PCSK2: variants seen among roughly 807,000 people sequenced by gnomAD.
PCSK2 encodes proprotein convertase subtilisin/kexin type 2.
A neutral mutation model predicts 69.7 loss-of-function variants in PCSK2; 14 were observed. The ratio of observed to expected loss-of-function variants is 0.20; its 90% confidence interval spans 0.13 to 0.31. PCSK2 has a LOEUF of 0.31. Ranked by LOEUF, PCSK2 falls within the 10% of genes least tolerant of loss-of-function variation. The pLI, the probability that PCSK2 is intolerant of heterozygous loss-of-function variation, is 1.00. For synonymous variants in PCSK2, 307 were observed against 320.7 expected (o/e 0.96, Z 0.46); for missense variants, 544 against 842.5 (o/e 0.65, Z 4.39).
At chr20:17,314,699 C>T (rs558795568) in intron 2 of PCSK2, among the ~76,000 whole-genome samples, 8 of 152,302 alleles carry the variant, frequency 5.3e-5, no homozygotes, top group African/African-American at 1.4e-4. Context: ...AATTACATCT[C>T]TAGTAGGGAA....
intron 6 of PCSK2, among the ~76,000 whole-genome samples, chr20:17,410,565 G>A (rs2031847989): frequency 6.6e-6 from 1 of 152,194 alleles, no homozygotes; most frequent in African/African-American, 2.4e-5. Flanking sequence ...ATGTCGGATA[G>A]CACAATTCAT....
chr20:17,253,204 T>C (rs1241809447), intron 1 of PCSK2, among the ~76,000 whole-genome samples: 2 of 152,204 alleles, frequency 1.3e-5, no homozygotes, highest in Non-Finnish European at 2.9e-5. Flanking sequence ...AGCAAATTGA[T>C]TAAGATATAG....
At chr20:17,270,168 G>C (rs1568577804) in intron 2 of PCSK2, among the ~76,000 whole-genome samples, 1 of 152,068 alleles carries the variant, frequency 6.6e-6, no homozygotes, top group Non-Finnish European at 1.5e-5. Flanking sequence ...TGAGGCAAAA[G>C]TGGTTTGAAG....
chr20:17,266,260 C>T (rs1159423196), intron 2 of PCSK2, among the ~76,000 whole-genome samples: 4 of 152,172 alleles, frequency 2.6e-5, no homozygotes, highest in Non-Finnish European at 5.9e-5. Context: ...CAGTTGGCCT[C>T]GGTTCCCTGG....
At chr20:17,255,658 A>G (rs1987150536) in intron 1 of PCSK2, among the ~76,000 whole-genome samples, 1 of 152,160 alleles carries the variant, frequency 6.6e-6, no homozygotes, top group Admixed American at 6.6e-5. Context: ...CTAATTTTTT[A>G]AAACGTATTT....
chr20:17,477,140 G>A lies in PCSK2; in HGVS notation c.1431-4444G>A, dbSNP rs1207877733. Among the ~76,000 whole-genome samples the A allele has an allele frequency of 3.3e-5, 5 of 152,338 alleles. No individual in the cohort carries two copies. The East Asian group carries it at 5.8e-4, about 18-fold the overall frequency. On this transcript the variant is annotated intron_variant, in intron 11 of 11. Coordinates refer to ENST00000262545, the MANE Select transcript of PCSK2 (RefSeq NM_002594.5). ...TCATGGCCTTGGTTCCTAGGGCAAT[G>A]CAGAACCAAGGCTTGACTCCAACTG...
chr20:17,261,358 C>A (rs1419660965), intron 2 of PCSK2, among the ~76,000 whole-genome samples: 1 of 152,176 alleles, frequency 6.6e-6, no homozygotes. Context: ...TCTTGTGGGG[C>A]TTTTCATGTG....
At chr20:17,454,921 CA>C (rs1249921729) in intron 9 of PCSK2, among the ~76,000 whole-genome samples, 4 of 152,200 alleles carry the variant, frequency 2.6e-5, no homozygotes, top group Non-Finnish European at 5.9e-5. Flanking sequence ...GGAAGGGACG[CA>C]GACCTTAAAA....
At chr20:17,423,493 A>G (rs569019136) in intron 6 of PCSK2, among the ~76,000 whole-genome samples, 4 of 152,312 alleles carry the variant, frequency 2.6e-5, no homozygotes, top group African/African-American at 9.6e-5. Context: ...CTAGACTCTC[A>G]GCTAATCTCT....
intron 5 of PCSK2, among the ~76,000 whole-genome samples, chr20:17,375,471 C>T (rs537357232): frequency 3.0e-4 from 45 of 152,240 alleles, no homozygotes; most frequent in Non-Finnish European, 5.7e-4. Context: ...CCCGAGGAAG[C>T]GGCATTTCTG....
intron 2 of PCSK2, among the ~76,000 whole-genome samples, chr20:17,298,344 T>C (rs745662302): frequency 6.6e-6 from 1 of 152,146 alleles, no homozygotes; most frequent in African/African-American, 2.4e-5. Context: ...CACATAGAAA[T>C]GGGGTGATTT....
chr20:17,426,734 G>C (rs1368269844), intron 6 of PCSK2, among the ~76,000 whole-genome samples: 2 of 152,196 alleles, frequency 1.3e-5, no homozygotes, highest in African/African-American at 4.8e-5. Context: ...CAGTCTTCCA[G>C]AGAATTCTCT....
At chr20:17,239,947 G>C (rs192325025) in intron 1 of PCSK2, among the ~76,000 whole-genome samples, 1 of 131,138 alleles carries the variant, frequency 7.6e-6, no homozygotes, top group South Asian at 2.5e-4. Flanking sequence ...TCCGCCTCCC[G>C]GGTTCAAGTG....
chr20:17,457,842 C>A (rs2032949180), intron 10 of PCSK2, among the ~76,000 whole-genome samples: 2 of 152,202 alleles, frequency 1.3e-5, no homozygotes, highest in South Asian at 4.1e-4. Flanking sequence ...GCCCTTTCAA[C>A]CTCAGAAGTC....
intron 1 of PCSK2, among the ~76,000 whole-genome samples, chr20:17,242,842 A>C (rs146282907): frequency 5.1e-4 from 77 of 152,338 alleles, no homozygotes; most frequent in African/African-American, 1.7e-3. Flanking sequence ...CTCTCTAGTG[A>C]AATCATATTT....
intron 8 of PCSK2, among the ~76,000 whole-genome samples, chr20:17,449,647 C>T (rs2032780543): frequency 1.3e-5 from 2 of 150,978 alleles, no homozygotes; most frequent in African/African-American, 2.5e-5. Context: ...TCTGACTCAG[C>T]CTCCCGAGTA....
intron 1 of PCSK2, among the ~76,000 whole-genome samples, chr20:17,234,020 T>A (rs1167358653): frequency 1.3e-5 from 2 of 152,194 alleles, no homozygotes; most frequent in Non-Finnish European, 2.9e-5. Flanking sequence ...GTCCGTGAAT[T>A]AGAAGACCTT....
At chr20:17,325,887 A>C (rs1990034839) in intron 2 of PCSK2, among the ~76,000 whole-genome samples, 1 of 152,200 alleles carries the variant, frequency 6.6e-6, no homozygotes, top group Non-Finnish European at 1.5e-5. Context: ...CCAGTGGGCT[A>C]ACCCAGGTAT....
chr20:17,245,784 A>T (rs765188428), intron 1 of PCSK2, among the ~76,000 whole-genome samples: 6 of 152,126 alleles, frequency 3.9e-5, no homozygotes, highest in Non-Finnish European at 5.9e-5. Context: ...AATGTGCATC[A>T]CTCATTGGAT....
Sources: allele counts gnomAD v4.1 joint callset (sites outside exome capture counted in the v4.1 genomes callset), GRCh38; gene constraint gnomAD v4.1.1; transcripts MANE v1.5; gene names NCBI Gene and HGNC (gene_info 2026-07-23, HGNC 2026-07-21).